ATXN7L1: variants seen among roughly 807,000 people sequenced by gnomAD.
ATXN7L1 encodes the protein ataxin-7-like protein 1.
A neutral mutation model predicts 70.8 loss-of-function variants in ATXN7L1; 15 were observed. The observed-to-expected ratio is 0.21, with a 90% CI of 0.14 to 0.33. The LOEUF (loss-of-function observed/expected upper bound fraction) is 0.33, where lower values mean the gene tolerates loss of function less well. Ranked by LOEUF, ATXN7L1 falls within the 10% of genes least tolerant of loss-of-function variation. ATXN7L1 has a pLI of 1.00. For missense variants in ATXN7L1, 975 were observed against 1,097.1 expected (o/e 0.89, Z 1.57); for synonymous variants, 440 against 445.1 (o/e 0.99, Z 0.14).
At chr7:105,619,495 CATATATATATATATATATATAT>C (rs1176697618) in intron 9 of ATXN7L1, among the ~76,000 whole-genome samples, 3 of 27,646 alleles carry the variant, frequency 1.1e-4, no homozygotes, top group African/African-American at 4.5e-4. Flanking sequence ...CAAACAGAAG[CATATATATATATATATATATAT>C]ATATATATAT....
At chr7:105,855,823 G>A (rs1237671174) in intron 2 of ATXN7L1, among the ~76,000 whole-genome samples, 1 of 152,078 alleles carries the variant, frequency 6.6e-6, no homozygotes, top group Non-Finnish European at 1.5e-5. Flanking sequence ...TATTTACACA[G>A]CATTTACATT....
intron 4 of ATXN7L1, among the ~76,000 whole-genome samples, chr7:105,663,166 T>C (rs1246481337): frequency 1.3e-5 from 2 of 152,224 alleles, no homozygotes; most frequent in Non-Finnish European, 2.9e-5. Flanking sequence ...GGTTAGTGAC[T>C]GGGAGACTCA....
intron 4 of ATXN7L1, among the ~76,000 whole-genome samples, chr7:105,663,129 C>A (rs1801975320): frequency 6.6e-6 from 1 of 152,232 alleles, no homozygotes; most frequent in Non-Finnish European, 1.5e-5. Context: ...CAGGCACATT[C>A]TCAGGTCACA....
At position 105,638,251 on chromosome 7, in the gene ATXN7L1, T is replaced by C. The variant is rs1797670997; in HGVS notation, c.1202+102A>G. 10 of 1,390,900 alleles carry C rather than the reference T, an allele frequency of 7.2e-6. 1 individual carries two copies. The East Asian group carries it at 2.5e-4, about 35-fold the overall frequency. The allele number at this position is 1,390,900 out of a possible 1,614,324, so 86.2% of individuals were successfully genotyped here. A position where few individuals can be genotyped will look rare whatever the true frequency, so the allele number is the denominator to read the frequency against. ...TACTTGCCTTAGGAAGTAGTACTAT[T>C]ATGATTTCCATTTAACATATAATCA... On this transcript the variant is annotated intron_variant, in intron 7 of 11. Transcript: ENST00000419735.
chr7:105,761,369 T>G (rs920134840), intron 3 of ATXN7L1: 1 of 1,614,046 alleles, frequency 6.2e-7, no homozygotes, highest in African/African-American at 1.3e-5. Flanking sequence ...TCTTCTGCGT[T>G]TTCCATTCTC....
chr7:105,644,337 TTA>T (rs1340939556), intron 4 of ATXN7L1, among the ~76,000 whole-genome samples: 1 of 152,180 alleles, frequency 6.6e-6, no homozygotes. Flanking sequence ...CAGCTGTTTG[TTA>T]CAGATCTTTG....
intron 3 of ATXN7L1, among the ~76,000 whole-genome samples, chr7:105,669,061 T>C (rs1159692384): frequency 6.6e-6 from 1 of 152,056 alleles, no homozygotes; most frequent in Non-Finnish European, 1.5e-5. Flanking sequence ...AACAACTGTA[T>C]CAGTGGATAA....
chr7:105,819,727 C>A, intron 2 of ATXN7L1: 2 of 812,926 alleles, frequency 2.5e-6, no homozygotes, highest in Non-Finnish European at 4.3e-6. Context: ...TCTAGCCGCA[C>A]CTTCCGGCTG....
At chr7:105,795,569 G>A (rs1421860141) in intron 2 of ATXN7L1, among the ~76,000 whole-genome samples, 1 of 152,160 alleles carries the variant, frequency 6.6e-6, no homozygotes, top group Non-Finnish European at 1.5e-5. Flanking sequence ...GCAACAACTG[G>A]TGAGAGCTCA....
At chr7:105,749,202 AG>A (rs769602212) in intron 3 of ATXN7L1, among the ~76,000 whole-genome samples, 1 of 149,008 alleles carries the variant, frequency 6.7e-6, no homozygotes, top group Non-Finnish European at 1.5e-5. Context: ...TGGGTTTCAG[AG>A]GAAATTCCTT....
chr7:105,790,244 A>G (rs1804940754), intron 2 of ATXN7L1, among the ~76,000 whole-genome samples: 1 of 152,234 alleles, frequency 6.6e-6, no homozygotes, highest in Admixed American at 6.5e-5. Flanking sequence ...ACAGTCACAT[A>G]ACTCTGAGAA....
intron 2 of ATXN7L1, among the ~76,000 whole-genome samples, chr7:105,872,094 G>A (rs1026877992): frequency 2.6e-5 from 4 of 151,860 alleles, no homozygotes; most frequent in Non-Finnish European, 4.4e-5. Context: ...CCGGGTTCAC[G>A]CCATTCTCCT....
chr7:105,632,204 G>A (rs888610263), intron 7 of ATXN7L1, among the ~76,000 whole-genome samples: 1 of 152,056 alleles, frequency 6.6e-6, no homozygotes, highest in African/African-American at 2.4e-5. Context: ...ACAGAGGAAG[G>A]AAACAAACCT....
At chr7:105,619,125 A>G (rs888932795) in intron 9 of ATXN7L1, among the ~76,000 whole-genome samples, 7 of 130,634 alleles carry the variant, frequency 5.4e-5, no homozygotes, top group East Asian at 2.5e-4. Flanking sequence ...GTCCACAACC[A>G]TAATGAAATC....
intron 3 of ATXN7L1, among the ~76,000 whole-genome samples, chr7:105,770,237 G>A (rs1488082965): frequency 1.3e-5 from 2 of 152,218 alleles, no homozygotes; most frequent in Non-Finnish European, 2.9e-5. Flanking sequence ...TCTGCCAAGA[G>A]CAATAGCTAT....
rs1380896630 is a variant in ATXN7L1 at position 105,860,140 on chromosome 7, T to TA, written c.250+15671dup. 7.5e-5 allele frequency among the ~76,000 whole-genome samples: 7 copies of TA among 93,756 alleles called. No homozygotes were observed. The East Asian group carries it at 1.5e-3, about 20-fold the overall frequency. The allele number at this position is 93,756 out of a possible 152,430, so 61.5% of individuals were successfully genotyped here. A position where few individuals can be genotyped will look rare whatever the true frequency, so the allele number is the denominator to read the frequency against. On this transcript the variant is annotated intron_variant, in intron 2 of 11. Transcript: ENST00000419735. ...ATCTTTATATGTAAATATATATATATATATATACATATATATATATATATA... is the reference window on the plus strand; with the variant it reads ...ATCTTTATATGTAAATATATATATATAATATATACATATATATATATATATA...
chr7:105,662,720 G>A (rs909802581), intron 4 of ATXN7L1, among the ~76,000 whole-genome samples: 1 of 151,996 alleles, frequency 6.6e-6, no homozygotes, highest in African/African-American at 2.4e-5. Context: ...TAAATTATTT[G>A]ATCATTTTTA....
intron 9 of ATXN7L1, among the ~76,000 whole-genome samples, chr7:105,616,619 G>A (rs970060444): frequency 2.0e-5 from 3 of 152,202 alleles, no homozygotes; most frequent in African/African-American, 7.2e-5. Flanking sequence ...ATGAATGGAT[G>A]GATGAATGGG....
intron 3 of ATXN7L1, among the ~76,000 whole-genome samples, chr7:105,680,011 A>T (rs964282396): frequency 3.3e-5 from 5 of 151,984 alleles, no homozygotes; most frequent in Admixed American, 6.6e-5. Flanking sequence ...ATTTCTTTGC[A>T]AAACCTGGTT....
Sources: allele counts gnomAD v4.1 joint callset (sites outside exome capture counted in the v4.1 genomes callset), GRCh38; gene constraint gnomAD v4.1.1; transcripts MANE v1.5; gene names NCBI Gene and HGNC (gene_info 2026-07-23, HGNC 2026-07-21).